The following CACNA1C variants were observed in gnomAD, a reference collection of about 807,000 sequenced individuals.
The protein encoded by CACNA1C is voltage-dependent L-type calcium channel subunit alpha-1C.
In CACNA1C, 30 loss-of-function variants were observed where a neutral mutation model predicts 229.0. The ratio of observed to expected loss-of-function variants is 0.13; its 90% CI spans 0.10 to 0.18. CACNA1C has a LOEUF of 0.18. CACNA1C is among the 10% of genes least tolerant of loss of function. The pLI is 1.00. For missense variants in CACNA1C, 1,658 were observed against 2,845.0 expected, an observed-to-expected ratio of 0.58 and a Z score of 9.49; for synonymous variants, 1,114 against 1,132.5, an observed-to-expected ratio of 0.98 and a Z score of 0.33.
intron 3 of CACNA1C, among the ~76,000 whole-genome samples, chr12:2,332,920 A>G (rs1251190300): frequency 2.7e-4 from 41 of 152,206 alleles, no homozygotes; most frequent in Non-Finnish European, 2.9e-5. Flanking sequence ...ATTTTTTATC[A>G]TAAGGAAGTA....
Position 2,694,419 on chromosome 12 carries a change from G to A in CACNA1C, c.*3220G>A, listed in dbSNP as rs2097821361. 6.6e-6 allele frequency: 1 copy of A among 152,252 alleles called. No individual in the cohort carries two copies. Among genetic ancestry groups the A allele is most frequent in the Non-Finnish European group, 1.5e-5 (1 of 68,048 alleles). The allele number at this position is 152,252 out of a possible 1,614,324, so 9.4% of individuals were successfully genotyped here. A position where few individuals can be genotyped will look rare whatever the true frequency, so the allele number is the denominator to read the frequency against. ...GGGACTTGAAGAAACAACAGTTTAA[G>A]GTCTGCAGTTTGGTCAACTTAATTC... On this transcript the variant is annotated 3_prime_UTR_variant, in exon 47 of 47. Coordinates refer to ENST00000399655, the MANE Select transcript of CACNA1C (RefSeq NM_000719.7).
chr12:2,040,201 G>GTATTGT (rs1326070978), intron 1 of CACNA1C, among the ~76,000 whole-genome samples: 1 of 151,932 alleles, frequency 6.6e-6, no homozygotes, highest in Non-Finnish European at 1.5e-5. Flanking sequence ...CATGATTTGG[G>GTATTGT]TATTGTAGAA....
chr12:2,197,416 G>A (rs1201121061), intron 3 of CACNA1C, among the ~76,000 whole-genome samples: 2 of 152,110 alleles, frequency 1.3e-5, no homozygotes, highest in Non-Finnish European at 2.9e-5. Context: ...CATTCAGACT[G>A]TACCCCAGGA....
At chr12:2,473,427 G>A (rs1041638519) in intron 5 of CACNA1C, among the ~76,000 whole-genome samples, 5 of 152,138 alleles carry the variant, frequency 3.3e-5, no homozygotes, top group East Asian at 1.9e-4. Flanking sequence ...TGCTGTCCTC[G>A]GGAAACTGTT....
intron 3 of CACNA1C, among the ~76,000 whole-genome samples, chr12:2,212,854 C>A (rs1412434552): frequency 6.6e-6 from 1 of 152,186 alleles, no homozygotes; most frequent in Admixed American, 6.5e-5. Context: ...AAGCACAGAA[C>A]TGGACACCAT....
intron 9 of CACNA1C, among the ~76,000 whole-genome samples, chr12:2,520,922 G>C (rs1331518587): frequency 1.3e-5 from 2 of 152,282 alleles, no homozygotes; most frequent in South Asian, 2.1e-4. Context: ...TTTGACAGGA[G>C]ACATTCATAG....
chr12:2,265,020 A>G (rs1281120715), intron 3 of CACNA1C, among the ~76,000 whole-genome samples: 1 of 152,158 alleles, frequency 6.6e-6, no homozygotes, highest in Non-Finnish European at 1.5e-5. Context: ...TTCTCCTTAA[A>G]TATCAGCTCT....
At chr12:2,278,693 T>G (rs1159632047) in intron 3 of CACNA1C, among the ~76,000 whole-genome samples, 2 of 152,240 alleles carry the variant, frequency 1.3e-5, no homozygotes, top group Non-Finnish European at 2.9e-5. Context: ...CTATGAACAT[T>G]TGTGTATAAG....
chr12:2,012,115 T>C (rs2044549702), intron 1 of CACNA1C, among the ~76,000 whole-genome samples: 1 of 152,190 alleles, frequency 6.6e-6, no homozygotes, highest in Admixed American at 6.5e-5. Context: ...TGCAAAATAT[T>C]GTGCTAAACT....
chr12:2,253,540 T>C (rs57518177), intron 3 of CACNA1C, among the ~76,000 whole-genome samples: 6,070 of 152,308 alleles, frequency 0.04, 397 homozygotes, highest in African/African-American at 0.14. Flanking sequence ...TATTTGCAAG[T>C]CATTGGAACC....
At chr12:2,358,194 G>A (rs954174143) in intron 3 of CACNA1C, among the ~76,000 whole-genome samples, 3 of 150,730 alleles carry the variant, frequency 2.0e-5, no homozygotes, top group African/African-American at 7.3e-5. Context: ...TCTCCGGGAG[G>A]GTGTGTCCAC....
At chr12:2,361,720 AT>A (rs946699898) in intron 3 of CACNA1C, among the ~76,000 whole-genome samples, 3 of 152,206 alleles carry the variant, frequency 2.0e-5, no homozygotes, top group African/African-American at 7.2e-5. Flanking sequence ...AGCCACTATT[AT>A]CTTTTGTTTT....
intron 1 of CACNA1C, among the ~76,000 whole-genome samples, chr12:2,017,976 A>AT (rs1352203275): frequency 6.6e-6 from 1 of 152,194 alleles, no homozygotes. Context: ...GGTTCTGAAT[A>AT]TTTTTTTAAA....
chr12:2,294,965 T>C (rs557385811), intron 3 of CACNA1C, among the ~76,000 whole-genome samples: 2 of 152,102 alleles, frequency 1.3e-5, no homozygotes, highest in Admixed American at 6.5e-5. Flanking sequence ...GTTGTGCCTC[T>C]CCCGGGGAAG....
intron 3 of CACNA1C, among the ~76,000 whole-genome samples, chr12:2,268,907 G>A (rs1021471740): frequency 6.6e-6 from 1 of 152,148 alleles, no homozygotes; most frequent in Non-Finnish European, 1.5e-5. Flanking sequence ...AGACAGACTC[G>A]GCCTTGGGCA....
intron 3 of CACNA1C, among the ~76,000 whole-genome samples, chr12:2,447,684 C>T (rs2099312320): frequency 6.6e-6 from 1 of 152,250 alleles, no homozygotes; most frequent in Admixed American, 6.5e-5. Flanking sequence ...CCATCTGGCC[C>T]TGCTCCCGAT....
chr12:2,122,024 G>C (rs1317245225), intron 3 of CACNA1C, among the ~76,000 whole-genome samples: 1 of 152,160 alleles, frequency 6.6e-6, no homozygotes, highest in African/African-American at 2.4e-5. Flanking sequence ...AGGATTAAGG[G>C]AGCCACTTGG....
In CACNA1C at chr12:2,605,061, T is replaced by C; in HGVS notation, c.2961-20T>C. ...CAGAAACAGGAGGAGCTTACTACCC[T>C]GCCTGTTTCCCTCTCCCAGGTCCAG... On this transcript the variant is annotated intron_variant, in intron 22 of 46. Transcript: ENST00000399655. The surrounding 1 kb of genome is among the most constrained non-coding windows in gnomAD (Gnocchi z 6.2). The C allele has an allele frequency of 6.3e-7, 1 of 1,594,080 alleles. No homozygotes were observed. The highest frequency in any genetic ancestry group is 8.6e-7 in the Non-Finnish European group (1 of 1,161,672).
chr12:2,553,424 C>T (rs1000908819), intron 10 of CACNA1C, among the ~76,000 whole-genome samples: 1 of 152,150 alleles, frequency 6.6e-6, no homozygotes, highest in African/African-American at 2.4e-5. Context: ...GGAGTCACTC[C>T]GAATGAGCTC....
Sources: allele counts gnomAD v4.1 joint callset (sites outside exome capture counted in the v4.1 genomes callset), GRCh38; gene constraint gnomAD v4.1.1; non-coding constraint Gnocchi (gnomAD v3.1); transcripts MANE v1.5; gene names NCBI Gene and HGNC (gene_info 2026-07-23, HGNC 2026-07-21).